Variants in NARS2 observed in about 807,000 individuals in gnomAD.
The protein encoded by NARS2 is asparaginyl-tRNA synthetase.
A neutral mutation model predicts 62.9 loss-of-function variants in NARS2; 60 were observed. The ratio of observed to expected loss-of-function variants is 0.95; its 90% confidence interval spans 0.77 to 1.18. The LOEUF (loss-of-function observed/expected upper bound fraction) is 1.18, where lower values mean the gene tolerates loss of function less well. NARS2 is among the 50% of genes most tolerant of loss of function. The pLI is 0.00. For synonymous variants in NARS2, 196 were observed against 200.0 expected (o/e 0.98, Z 0.17); for missense variants, 619 against 576.4 (o/e 1.07, Z -0.76).
chr11:78,534,823 G>C (rs1198492357), intron 5 of NARS2, among the ~76,000 whole-genome samples: 1 of 152,144 alleles, frequency 6.6e-6, no homozygotes, highest in Non-Finnish European at 1.5e-5. Flanking sequence ...CTAAATCTGA[G>C]CGAGGACACA....
At chr11:78,500,104 C>G (rs1266445511) in intron 6 of NARS2, among the ~76,000 whole-genome samples, 1 of 152,180 alleles carries the variant, frequency 6.6e-6, no homozygotes, top group African/African-American at 2.4e-5. Context: ...AGGCCTGATA[C>G]TACAGAGGTA....
intron 5 of NARS2, among the ~76,000 whole-genome samples, chr11:78,553,835 T>C (rs1038636667): frequency 3.9e-5 from 6 of 152,234 alleles, no homozygotes; most frequent in Non-Finnish European, 7.3e-5. Flanking sequence ...AGGATGGTAT[T>C]GCCTAGGTTG....
intron 1 of NARS2, chr11:78,573,319 T>A (rs2065867569): frequency 1.3e-5 from 2 of 152,396 alleles, no homozygotes; most frequent in South Asian, 4.1e-4. Flanking sequence ...GGAGGACTGC[T>A]TGAGTCCAGG....
intron 11 of NARS2, among the ~76,000 whole-genome samples, chr11:78,464,704 G>T (rs530977795): frequency 1.3e-5 from 2 of 151,996 alleles, no homozygotes; most frequent in African/African-American, 4.8e-5. Flanking sequence ...TAGACATAAA[G>T]GTTCTCCAAG....
chr11:78,480,203 T>C (rs762936390), intron 7 of NARS2, among the ~76,000 whole-genome samples: 2 of 152,164 alleles, frequency 1.3e-5, no homozygotes, highest in Admixed American at 6.5e-5. Context: ...CCTGGCCTAG[T>C]GGCATTTGCT....
At chr11:78,542,506 TGATAA>T (rs1453520541) in intron 5 of NARS2, among the ~76,000 whole-genome samples, 1 of 152,174 alleles carries the variant, frequency 6.6e-6, no homozygotes, top group Non-Finnish European at 1.5e-5. Context: ...AGGATGAATA[TGATAA>T]GATATGGTCC....
intron 12 of NARS2, among the ~76,000 whole-genome samples, chr11:78,442,512 G>T (rs1591119860): frequency 6.6e-6 from 1 of 152,216 alleles, no homozygotes; most frequent in East Asian, 1.9e-4. Context: ...GGAAAAGAAG[G>T]CCTCACAAAT....
At chr11:78,456,230 C>T (rs1334302453) in intron 11 of NARS2, among the ~76,000 whole-genome samples, 4 of 152,194 alleles carry the variant, frequency 2.6e-5, no homozygotes, top group Non-Finnish European at 1.5e-5. Flanking sequence ...TTAAGACACA[C>T]TGGGAAGACT....
chr11:78,477,244 T>G (rs779898333), intron 9 of NARS2, among the ~76,000 whole-genome samples: 1 of 152,168 alleles, frequency 6.6e-6, no homozygotes, highest in African/African-American at 2.4e-5. Flanking sequence ...TGCCCAAGAC[T>G]GTCTTATAAA....
At chr11:78,500,670 A>G (rs2135354014) in intron 6 of NARS2, among the ~76,000 whole-genome samples, 1 of 152,274 alleles carries the variant, frequency 6.6e-6, no homozygotes, top group African/African-American at 2.4e-5. Flanking sequence ...TGGGGGTTTC[A>G]CCATGTTGTA....
intron 5 of NARS2, among the ~76,000 whole-genome samples, chr11:78,546,268 G>C (rs552874416): frequency 3.2e-4 from 48 of 152,312 alleles, no homozygotes; most frequent in Non-Finnish European, 6.2e-4. Context: ...CAAATAGTTT[G>C]AGGTCTCACA....
At chr11:78,557,133 A>G (rs1242663899) in intron 5 of NARS2, among the ~76,000 whole-genome samples, 2 of 152,238 alleles carry the variant, frequency 1.3e-5, no homozygotes, top group African/African-American at 2.4e-5. Flanking sequence ...AAAATGATAG[A>G]GCATGCATTC....
chr11:78,519,875 A>T (rs1199512295), intron 6 of NARS2, among the ~76,000 whole-genome samples: 1 of 151,842 alleles, frequency 6.6e-6, no homozygotes, highest in Non-Finnish European at 1.5e-5. Flanking sequence ...TAATTTTTTT[A>T]GTAGAGACGG....
rs186755207 is a variant in NARS2, at chr11:78,563,591, G to A, written c.513+2541C>T. On this transcript the variant is annotated intron_variant, in intron 4 of 13. Coordinates refer to ENST00000281038, the MANE Select transcript of NARS2 (RefSeq NM_024678.6). ...CTCACGCCCGCAATCCCAGCACTTTGGGAGGCTGAGGTGGTTGGATCACCT... is the reference window on the plus strand; with the variant it reads ...CTCACGCCCGCAATCCCAGCACTTTAGGAGGCTGAGGTGGTTGGATCACCT... Among the ~76,000 whole-genome samples, 1,272 of 151,260 alleles carry A rather than the reference G, an allele frequency of 8.4e-3. 24 individuals carry two copies. The highest frequency in any genetic ancestry group is 0.03 in the African/African-American group (1,224 of 41,326).
chr11:78,548,088 G>A (rs939445774), intron 5 of NARS2, among the ~76,000 whole-genome samples: 1 of 152,154 alleles, frequency 6.6e-6, no homozygotes, highest in Non-Finnish European at 1.5e-5. Flanking sequence ...GGTGGTGTGT[G>A]CCTGCAGTCC....
At chr11:78,551,341 T>C (rs1385574229) in intron 5 of NARS2, among the ~76,000 whole-genome samples, 2 of 152,208 alleles carry the variant, frequency 1.3e-5, no homozygotes, top group African/African-American at 4.8e-5. Flanking sequence ...CTGATACTAC[T>C]GAATACTTTG....
At chr11:78,560,194 A>G (rs1045166008) in intron 4 of NARS2, among the ~76,000 whole-genome samples, 1 of 152,204 alleles carries the variant, frequency 6.6e-6, no homozygotes, top group Admixed American at 6.5e-5. Flanking sequence ...GGCAGAAATG[A>G]TCTTTAGGAG....
intron 6 of NARS2, among the ~76,000 whole-genome samples, chr11:78,500,299 T>C (rs1419433252): frequency 1.3e-5 from 2 of 152,062 alleles, no homozygotes; most frequent in African/African-American, 4.8e-5. Context: ...AATTTCCCCA[T>C]GCAAAGATGA....
intron 5 of NARS2, among the ~76,000 whole-genome samples, chr11:78,559,154 T>C (rs1302910587): frequency 1.3e-5 from 2 of 151,660 alleles, no homozygotes; most frequent in African/African-American, 2.4e-5. Flanking sequence ...AATACAAAAA[T>C]TAGCTGGGCC....
Sources: gnomAD v4.1 joint callset for allele counts (sites outside exome capture counted in the v4.1 genomes callset) on GRCh38, gnomAD v4.1.1 for gene constraint, MANE v1.5 for transcripts, NCBI Gene and HGNC (gene_info 2026-07-23, HGNC 2026-07-21) for gene names.